The following DPYD variants were observed in gnomAD, a reference collection of about 807,000 sequenced individuals.
DPYD encodes dihydropyrimidine dehydrogenase.
In DPYD, 109 loss-of-function variants were observed where a neutral mutation model predicts 116.2. The observed-to-expected ratio is 0.94, with a 90% CI of 0.80 to 1.10. DPYD has a LOEUF of 1.10. Ranked by LOEUF, DPYD falls within the 50% of genes least tolerant of loss-of-function variation. The pLI is 0.00. For missense variants in DPYD, 1,302 were observed against 1,254.5 expected, an observed-to-expected ratio of 1.04 and a Z score of -0.57; for synonymous variants, 440 against 432.0, an observed-to-expected ratio of 1.02 and a Z score of -0.23.
At chr1:97,140,277 T>A (rs1277129860) in intron 20 of DPYD, among the ~76,000 whole-genome samples, 1 of 152,060 alleles carries the variant, frequency 6.6e-6, no homozygotes, top group Non-Finnish European at 1.5e-5. Flanking sequence ...TTGCTTATGA[T>A]GACAGAGACA....
intron 2 of DPYD, among the ~76,000 whole-genome samples, chr1:97,847,728 G>T (rs1182904475): frequency 6.6e-6 from 1 of 151,770 alleles, no homozygotes; most frequent in African/African-American, 2.4e-5. Context: ...AACAACAAAA[G>T]AAAGAAATAC....
At chr1:97,530,573 T>A (rs1431316902) in intron 12 of DPYD, among the ~76,000 whole-genome samples, 1 of 152,248 alleles carries the variant, frequency 6.6e-6, no homozygotes, top group Non-Finnish European at 1.5e-5. Context: ...TTGTGAATAA[T>A]GTTGCAGTGA....
chr1:97,096,431 T>A (rs377686502), intron 21 of DPYD, among the ~76,000 whole-genome samples: 3 of 152,200 alleles, frequency 2.0e-5, no homozygotes, highest in East Asian at 3.9e-4. Flanking sequence ...ATGGAGATTT[T>A]ACATTTAATT....
chr1:97,458,189 T>A (rs923824023), intron 13 of DPYD, among the ~76,000 whole-genome samples: 1 of 152,146 alleles, frequency 6.6e-6, no homozygotes, highest in Non-Finnish European at 1.5e-5. Flanking sequence ...AGAATTTTCA[T>A]TGGAAGTGAT....
At position 97,691,771 on chromosome 1, in the gene DPYD, C is replaced by T. The variant is rs1458823388; in HGVS notation, c.708G>A (p.Leu236=). 5.6e-6 allele frequency: 9 copies of T among 1,613,438 alleles called. No individual in the cohort carries two copies. In the South Asian group the frequency reaches 9.9e-5, roughly 18 times the overall value. ...LSTSEIPQFR[L]PYDVVNFEIE... ...TCTCAAAATTCACTACATCATACGG[C>T]AGCCGGAACTGAGGAATTTCAGAAG... Residue 236 remains leucine, a synonymous_variant, in exon 7 of 23, where the codon CTG becomes CTA. Transcript: ENST00000370192.
intron 5 of DPYD, among the ~76,000 whole-genome samples, chr1:97,714,699 T>C (rs575661361): frequency 2.0e-5 from 3 of 150,834 alleles, no homozygotes; most frequent in Non-Finnish European, 2.9e-5. Context: ...GTGTTGGTCT[T>C]ACCCAACCTA....
chr1:97,805,984 C>A (rs577767401), intron 3 of DPYD, among the ~76,000 whole-genome samples: 5 of 151,848 alleles, frequency 3.3e-5, no homozygotes, highest in African/African-American at 1.2e-4. Context: ...AAAAAACTGA[C>A]CAAATTCAAA....
chr1:97,680,365 C>A (rs1029420563), intron 7 of DPYD, among the ~76,000 whole-genome samples: 1 of 152,074 alleles, frequency 6.6e-6, no homozygotes, highest in African/African-American at 2.4e-5. Flanking sequence ...CTGTCCCCTG[C>A]CAACACCAGA....
In DPYD at chr1:97,106,248, A is replaced by G. The variant is rs1286105764; in HGVS notation, c.2623-7616T>C. Among the ~76,000 whole-genome samples the G allele has an allele frequency of 5.3e-5, 8 of 152,258 alleles. No individual in the cohort carries two copies. The East Asian group carries it at 1.5e-3, about 29-fold the overall frequency. On this transcript the variant is annotated intron_variant, in intron 20 of 22. Transcript: ENST00000370192. ...AGCTGTTATAGTAGAAAATTAAAAA[A>G]GGGTTCTATGGTGTAACGGTTAATT...
At chr1:97,462,168 T>C (rs909111393) in intron 13 of DPYD, among the ~76,000 whole-genome samples, 10 of 152,218 alleles carry the variant, frequency 6.6e-5, no homozygotes, top group Admixed American at 2.0e-4. Context: ...GTGTTATTCA[T>C]AATAGCACTC....
intron 18 of DPYD, among the ~76,000 whole-genome samples, chr1:97,288,639 G>A (rs942620950): frequency 6.9e-6 from 1 of 145,752 alleles, no homozygotes; most frequent in Non-Finnish European, 1.5e-5. Context: ...TGAAACCAAC[G>A]AGAACAAAGA....
chr1:97,701,067 T>A (rs1452740316), intron 5 of DPYD, among the ~76,000 whole-genome samples: 1 of 150,352 alleles, frequency 6.7e-6, no homozygotes, highest in Non-Finnish European at 1.5e-5. Context: ...AAAATTCCAA[T>A]TAAAAGACAA....
At chr1:97,534,081 C>T (rs1374930777) in intron 12 of DPYD, among the ~76,000 whole-genome samples, 1 of 152,072 alleles carries the variant, frequency 6.6e-6, no homozygotes, top group African/African-American at 2.4e-5. Flanking sequence ...CAAAACCTAC[C>T]CATTGTTTCA....
At chr1:97,352,836 A>C (rs1670221752) in intron 16 of DPYD, among the ~76,000 whole-genome samples, 1 of 152,210 alleles carries the variant, frequency 6.6e-6, no homozygotes, top group Admixed American at 6.5e-5. Context: ...ACCATGTAAA[A>C]GAATGCAGGC....
rs374539213 is a variant in DPYD at position 97,737,398 on chromosome 1, G to A, written c.321+2994C>T. ...AAAAAATTACTGGGTTATAAATTAC[G>A]GACTTTCCAACATTTTTTCTTCCAC... is the stretch of plus-strand genomic sequence containing the variant. On this transcript the variant is annotated intron_variant, in intron 4 of 22. Transcript: ENST00000370192. Among the ~76,000 whole-genome samples, 62 of 151,988 alleles carry A rather than the reference G, an allele frequency of 4.1e-4. No homozygotes were observed. In the East Asian group the frequency reaches 4.8e-3, roughly 12 times the overall value.
At chr1:97,756,182 G>A (rs970081962) in intron 3 of DPYD, among the ~76,000 whole-genome samples, 2 of 152,144 alleles carry the variant, frequency 1.3e-5, no homozygotes, top group African/African-American at 2.4e-5. Flanking sequence ...TGTAACCAAA[G>A]AGATCATAAT....
At chr1:97,341,186 G>C (rs974624205) in intron 16 of DPYD, among the ~76,000 whole-genome samples, 11 of 152,114 alleles carry the variant, frequency 7.2e-5, no homozygotes, top group Non-Finnish European at 1.5e-4. Flanking sequence ...AGGCTAGTTT[G>C]CCTTCCTTTC....
chr1:97,666,234 A>G (rs1659548882), intron 8 of DPYD, among the ~76,000 whole-genome samples: 1 of 152,096 alleles, frequency 6.6e-6, no homozygotes, highest in African/African-American at 2.4e-5. Context: ...GTTCAGTGGC[A>G]CAATCACGGC....
chr1:97,564,733 A>T lies in DPYD; in HGVS notation c.1339+9027T>A, dbSNP rs553692306. The stretch of plus-strand genomic sequence containing the variant: ...TCAAGCAGATAACCAAATCCTGACT[A>T]TTCTACTTAAGAAATATATCTTGAT... On this transcript the variant is annotated intron_variant, in intron 11 of 22. Coordinates refer to ENST00000370192, the MANE Select transcript of DPYD (RefSeq NM_000110.4). 2.1e-3 allele frequency among the ~76,000 whole-genome samples: 324 copies of T among 152,292 alleles called. 1 individual carries two copies. The highest frequency in any genetic ancestry group is 0.021 in the South Asian group (101 of 4,822).
Sources: allele counts gnomAD v4.1 joint callset (sites outside exome capture counted in the v4.1 genomes callset), GRCh38; gene constraint gnomAD v4.1.1; transcripts MANE v1.5; gene names NCBI Gene and HGNC (gene_info 2026-07-23, HGNC 2026-07-21).